CCDC3: variants seen among roughly 807,000 people sequenced by gnomAD.
CCDC3 encodes the protein coiled-coil domain containing 3.
Under a neutral mutation model 21.4 loss-of-function variants are expected in CCDC3, and 24 were observed. The observed-to-expected ratio is 1.12, with a 90% confidence interval of 0.81 to 1.58. The LOEUF (loss-of-function observed/expected upper bound fraction) is 1.58. Among genes scored for constraint, CCDC3 ranks in the 40% most tolerant of loss-of-function variants. CCDC3 has a pLI of 0.00. For missense variants in CCDC3, 425 were observed against 360.9 expected, an observed-to-expected ratio of 1.18 and a Z score of -1.44; for synonymous variants, 186 against 166.0, an observed-to-expected ratio of 1.12 and a Z score of -0.93.
intron 5 of CCDC3, among the ~76,000 whole-genome samples, chr10:13,038,876 T>C (rs1836413194): frequency 6.6e-6 from 1 of 152,200 alleles, no homozygotes; most frequent in African/African-American, 2.4e-5. Context: ...TTATGTCTCC[T>C]TGTGGCTACA....
intron 2 of CCDC3, among the ~76,000 whole-genome samples, chr10:12,947,666 A>G (rs2399892): frequency 0.35 from 53,345 of 152,100 alleles, 9,702 homozygotes; most frequent in Non-Finnish European, 0.39. Flanking sequence ...CAGGAGCTGG[A>G]CAAACAGGAG....
At chr10:12,987,933 A>G (rs1277245471) in intron 2 of CCDC3, among the ~76,000 whole-genome samples, 1 of 152,182 alleles carries the variant, frequency 6.6e-6, no homozygotes, top group Non-Finnish European at 1.5e-5. Context: ...AGACAGTTCC[A>G]GTGGTTTCCC....
At chr10:13,096,916 C>T (rs1009493871) in intron 3 of CCDC3, among the ~76,000 whole-genome samples, 10 of 152,188 alleles carry the variant, frequency 6.6e-5, no homozygotes, top group Admixed American at 3.9e-4. Flanking sequence ...TCTGGCTCTT[C>T]CTCCAGGACA....
chr10:13,079,397 C>T (rs943496029), intron 3 of CCDC3, among the ~76,000 whole-genome samples: 2 of 152,134 alleles, frequency 1.3e-5, no homozygotes, highest in African/African-American at 2.4e-5. Flanking sequence ...CCACGTGGAC[C>T]GGGTGACCTC....
intron 2 of CCDC3, among the ~76,000 whole-genome samples, chr10:12,925,448 C>T (rs1056465039): frequency 1.3e-5 from 2 of 152,186 alleles, no homozygotes; most frequent in Non-Finnish European, 2.9e-5. Context: ...CTCTAAGTAA[C>T]CTCTCCCCCA....
intron 4 of CCDC3, among the ~76,000 whole-genome samples, chr10:13,055,555 G>A (rs1208340415): frequency 6.6e-6 from 1 of 152,066 alleles, no homozygotes; most frequent in East Asian, 1.9e-4. Flanking sequence ...AAATTGCTGG[G>A]CTGAAGCAAT....
intron 2 of CCDC3, among the ~76,000 whole-genome samples, chr10:12,945,021 A>G (rs1834893244): frequency 6.6e-6 from 1 of 152,238 alleles, no homozygotes; most frequent in African/African-American, 2.4e-5. Flanking sequence ...GGATAGAGAT[A>G]CAACTTTCCC....
chr10:12,965,548 AAG>A lies in CCDC3; in HGVS notation c.549+32788_549+32789del, dbSNP rs373099821. On this transcript the variant is annotated intron_variant, in intron 2 of 2. Coordinates refer to ENST00000378825, the MANE Select transcript of CCDC3 (RefSeq NM_031455.4). ...GATTGTTAGATTTTTGAGTGTACGT[AAG>A]AGAGATGTCACTCACAGTGTCACAA... Among the ~76,000 whole-genome samples, 320 of 152,340 alleles carry A rather than the reference AAG, an allele frequency of 2.1e-3. 1 individual carries two copies. The highest frequency in any genetic ancestry group is 7.3e-3 in the African/African-American group (305 of 41,576).
intron 3 of CCDC3, among the ~76,000 whole-genome samples, chr10:13,080,109 G>A (rs979269746): frequency 1.3e-5 from 2 of 152,182 alleles, no homozygotes; most frequent in African/African-American, 2.4e-5. Flanking sequence ...TGGGCCGATG[G>A]CAGCCCTGGG....
intron 1 of CCDC3, among the ~76,000 whole-genome samples, chr10:12,999,607 G>T (rs1835815441): frequency 1.3e-5 from 2 of 152,186 alleles, no homozygotes; most frequent in Admixed American, 1.3e-4. Context: ...ACAGCCCTGT[G>T]AAATGAAAAT....
chr10:12,937,316 CTATT>C (rs1834755626), intron 2 of CCDC3, among the ~76,000 whole-genome samples: 1 of 152,116 alleles, frequency 6.6e-6, no homozygotes. Context: ...TGGTCTCTAC[CTATT>C]TATTTTCACT....
chr10:12,971,642 G>T (rs1835345538), intron 2 of CCDC3, among the ~76,000 whole-genome samples: 1 of 152,114 alleles, frequency 6.6e-6, no homozygotes, highest in African/African-American at 2.4e-5. Flanking sequence ...CTGGACTGAG[G>T]TGTGTTCCCT....
chr10:12,969,784 G>A (rs1051459524), intron 2 of CCDC3, among the ~76,000 whole-genome samples: 7 of 149,490 alleles, frequency 4.7e-5, no homozygotes, highest in African/African-American at 1.7e-4. Flanking sequence ...AAAAAAAAGA[G>A]GAAATCCTGT....
chr10:13,055,912 C>T (rs1465664414), intron 4 of CCDC3, among the ~76,000 whole-genome samples: 3 of 152,134 alleles, frequency 2.0e-5, no homozygotes, highest in Non-Finnish European at 4.4e-5. Context: ...GTGGGGAGGT[C>T]TTTACAACCC....
intron 2 of CCDC3, among the ~76,000 whole-genome samples, chr10:12,916,285 AGCTGGG>A (rs1234290434): frequency 5.3e-5 from 8 of 152,122 alleles, no homozygotes; most frequent in Non-Finnish European, 1.2e-4. Context: ...TACAAAAATT[AGCTGGG>A]CATGGTGGTG....
chr10:13,026,179 CAAAAATAAAT>C (rs985817595), intron 5 of CCDC3, among the ~76,000 whole-genome samples: 17 of 151,960 alleles, frequency 1.1e-4, no homozygotes, highest in African/African-American at 3.4e-4. Context: ...GACTCTGTCT[CAAAAATAAAT>C]AAAAATAAAT....
chr10:13,013,715 T>C (rs1318912917), intron 5 of CCDC3, among the ~76,000 whole-genome samples: 2 of 151,262 alleles, frequency 1.3e-5, no homozygotes, highest in Non-Finnish European at 3.0e-5. Flanking sequence ...TGATGCAAAA[T>C]GTGAATGTAA....
upstream of CCDC3, among the ~76,000 whole-genome samples, chr10:13,002,630 T>G (rs767673131): frequency 8.5e-5 from 13 of 152,154 alleles, no homozygotes; most frequent in Non-Finnish European, 1.5e-4. Context: ...TCCTCCCACC[T>G]CAGCCTCCCA....
At chr10:12,903,239 T>C (rs1335643124) in intron 2 of CCDC3, among the ~76,000 whole-genome samples, 1 of 152,210 alleles carries the variant, frequency 6.6e-6, no homozygotes, top group East Asian at 1.9e-4. Context: ...ACCAAGCCAC[T>C]GCTGATGGAG....
Sources: gnomAD v4.1 joint callset for allele counts (sites outside exome capture counted in the v4.1 genomes callset) on GRCh38, gnomAD v4.1.1 for gene constraint, MANE v1.5 for transcripts, NCBI Gene and HGNC (gene_info 2026-07-23, HGNC 2026-07-21) for gene names.